Variants in SGMS1 observed in about 807,000 individuals in gnomAD.
SGMS1 encodes phosphatidylcholine:ceramide cholinephosphotransferase 1.
SGMS1 carries 13 observed loss-of-function variants against 46.2 expected under a neutral mutation model. The observed-to-expected ratio is 0.28, with a 90% CI of 0.18 to 0.45. The LOEUF (loss-of-function observed/expected upper bound fraction) is 0.45, where lower values mean the gene tolerates loss of function less well. Ranked by LOEUF, SGMS1 falls within the 20% of genes least tolerant of loss-of-function variation. SGMS1 has a pLI of 1.00. For synonymous variants in SGMS1, 203 were observed against 187.8 expected (o/e 1.08, Z -0.66); for missense variants, 324 against 519.9 (o/e 0.62, Z 3.66).
intron 1 of SGMS1, among the ~76,000 whole-genome samples, chr10:50,592,805 C>G (rs1336357909): frequency 1.3e-4 from 19 of 151,134 alleles, no homozygotes; most frequent in Admixed American, 1.3e-3. Flanking sequence ...GATGGCTGCA[C>G]TATTACTAAA....
At chr10:50,553,248 C>T (rs1386603620) in intron 2 of SGMS1, among the ~76,000 whole-genome samples, 2 of 152,112 alleles carry the variant, frequency 1.3e-5, no homozygotes, top group Admixed American at 6.5e-5. Context: ...ACACTCTGGA[C>T]CTGGATTTAA....
chr10:50,451,107 T>A (rs555610159), intron 5 of SGMS1, among the ~76,000 whole-genome samples: 14 of 152,276 alleles, frequency 9.2e-5, no homozygotes, highest in African/African-American at 3.4e-4. Flanking sequence ...AAAAAATGAT[T>A]TTTAATGGCT....
At chr10:50,519,611 C>G (rs959464101) in intron 3 of SGMS1, among the ~76,000 whole-genome samples, 2 of 152,190 alleles carry the variant, frequency 1.3e-5, no homozygotes, top group Non-Finnish European at 2.9e-5. Context: ...CTTGCCTTCT[C>G]CAGTGGGGGA....
At chr10:50,598,361 G>C (rs1199763007) in intron 1 of SGMS1, among the ~76,000 whole-genome samples, 1 of 152,106 alleles carries the variant, frequency 6.6e-6, no homozygotes, top group Non-Finnish European at 1.5e-5. Context: ...AGAAATAAAT[G>C]GCTGTTGTTT....
intron 2 of SGMS1, among the ~76,000 whole-genome samples, chr10:50,570,466 G>C (rs969660702): frequency 1.3e-5 from 2 of 152,158 alleles, no homozygotes; most frequent in Non-Finnish European, 2.9e-5. Flanking sequence ...TATGAGTATA[G>C]CTAGTGCCAC....
At chr10:50,624,725 T>G (rs7904446), upstream of SGMS1, 1 of 985,310 alleles carries the variant, frequency 1.0e-6, no homozygotes, top group Middle Eastern at 5.2e-4. Flanking sequence ...GGTTTTCCTC[T>G]GCTCCCCGAG....
intron 3 of SGMS1, among the ~76,000 whole-genome samples, chr10:50,516,025 G>C (rs1319830751): frequency 1.3e-5 from 2 of 152,064 alleles, no homozygotes; most frequent in Non-Finnish European, 2.9e-5. Flanking sequence ...ACAAAGCAAA[G>C]AGACTGCAAA....
chr10:50,612,627 T>C (rs892699392), intron 1 of SGMS1, among the ~76,000 whole-genome samples: 1 of 152,256 alleles, frequency 6.6e-6, no homozygotes, highest in African/African-American at 2.4e-5. Flanking sequence ...AGTTGATTTA[T>C]CTTAAAGATA....
chr10:50,613,038 C>T (rs1467035015), intron 1 of SGMS1, among the ~76,000 whole-genome samples: 1 of 152,210 alleles, frequency 6.6e-6, no homozygotes, highest in Non-Finnish European at 1.5e-5. Flanking sequence ...CTGATTCTCC[C>T]TTTGGGGGCT....
chr10:50,621,759 A>C (rs1838852009), intron 1 of SGMS1, among the ~76,000 whole-genome samples: 1 of 152,246 alleles, frequency 6.6e-6, no homozygotes, highest in South Asian at 2.1e-4. Flanking sequence ...TTTACTAAAA[A>C]CATAAATTTC....
intron 4 of SGMS1, among the ~76,000 whole-genome samples, chr10:50,465,695 TG>T (rs950615721): frequency 3.8e-4 from 57 of 151,520 alleles, no homozygotes; most frequent in Admixed American, 1.6e-3. Flanking sequence ...AAAGAGAGAA[TG>T]GGGGGGAAAT....
At chr10:50,461,701 A>C (rs962114164) in intron 4 of SGMS1, among the ~76,000 whole-genome samples, 2 of 152,122 alleles carry the variant, frequency 1.3e-5, no homozygotes, top group African/African-American at 4.8e-5. Context: ...TAAAAATCAT[A>C]GGTGCTCTCC....
chr10:50,321,465 G>C (rs957128643), intron 8 of SGMS1, among the ~76,000 whole-genome samples: 1 of 152,072 alleles, frequency 6.6e-6, no homozygotes, highest in African/African-American at 2.4e-5. Flanking sequence ...AAAAGGAAGA[G>C]AACAGCAGCA....
intron 2 of SGMS1, among the ~76,000 whole-genome samples, chr10:50,531,947 C>A (rs963045134): frequency 3.9e-5 from 6 of 152,128 alleles, no homozygotes; most frequent in African/African-American, 1.2e-4. Flanking sequence ...GGATTGCAAC[C>A]CAGATTCTGA....
Position 50,495,262 on chromosome 10 carries a change from G to GA in SGMS1, c.-498+24568dup, listed in dbSNP as rs200136497. Among the ~76,000 whole-genome samples the GA allele has an allele frequency of 6.7e-3, 805 of 119,366 alleles. 10 individuals are homozygous for GA. The highest frequency in any genetic ancestry group is 0.015 in the African/African-American group (491 of 31,870). The allele number at this position is 119,366 out of a possible 152,430, so 78.3% of individuals were successfully genotyped here. ...TCAAAAAAAAAAAAAAAAAAGTTAAGAAAAAAAAAAAAGGATGTGCTGTAT... is the reference window on the plus strand; with the variant it reads ...TCAAAAAAAAAAAAAAAAAAGTTAAGAAAAAAAAAAAAAGGATGTGCTGTAT... On this transcript the variant is annotated intron_variant, in intron 3 of 10. Transcript: ENST00000361781.
chr10:50,598,769 T>C (rs1838620625), intron 1 of SGMS1, among the ~76,000 whole-genome samples: 1 of 152,194 alleles, frequency 6.6e-6, no homozygotes, highest in Non-Finnish European at 1.5e-5. Flanking sequence ...CCCAGAGCCT[T>C]AGTTTACCTA....
At chr10:50,493,495 C>T (rs1837583652) in intron 3 of SGMS1, among the ~76,000 whole-genome samples, 1 of 152,070 alleles carries the variant, frequency 6.6e-6, no homozygotes, top group African/African-American at 2.4e-5. Context: ...AACTAAAGAG[C>T]TTCTACATAG....
chr10:50,465,739 T>G (rs1253611051), intron 4 of SGMS1, among the ~76,000 whole-genome samples: 1 of 152,020 alleles, frequency 6.6e-6, no homozygotes, highest in African/African-American at 2.4e-5. Context: ...AATTTACAAA[T>G]TGAGAGACAT....
chr10:50,408,215 TG>T (rs1490058654), intron 6 of SGMS1, among the ~76,000 whole-genome samples: 1 of 152,156 alleles, frequency 6.6e-6, no homozygotes, highest in African/African-American at 2.4e-5. Flanking sequence ...CTGCTGCTGG[TG>T]GTGTTCTTGT....
Sources: allele counts gnomAD v4.1 joint callset (sites outside exome capture counted in the v4.1 genomes callset), GRCh38; gene constraint gnomAD v4.1.1; transcripts MANE v1.5; gene names NCBI Gene and HGNC (gene_info 2026-07-23, HGNC 2026-07-21).